The following TPR variants were observed in gnomAD, a reference collection of about 807,000 sequenced individuals.
TPR encodes nucleoprotein TPR.
In TPR, 51 loss-of-function variants were observed where a neutral mutation model predicts 316.1. The observed-to-expected ratio is 0.16, with a 90% confidence interval of 0.13 to 0.20. TPR has a LOEUF of 0.20. Ranked by LOEUF, TPR falls within the 10% of genes least tolerant of loss-of-function variation. TPR has a pLI of 1.00. For synonymous variants in TPR, 981 were observed against 914.7 expected, an observed-to-expected ratio of 1.07 and a Z score of -1.31; for missense variants, 2,272 against 2,754.8, an observed-to-expected ratio of 0.82 and a Z score of 3.92.
At chr1:186,372,927 A>T (rs766333629) in intron 2 of TPR, among the ~76,000 whole-genome samples, 2 of 152,216 alleles carry the variant, frequency 1.3e-5, no homozygotes, top group Non-Finnish European at 2.9e-5. Flanking sequence ...AATATAATGA[A>T]ATCAATAGGC....
chr1:186,312,381 T>C lies in TPR; in HGVS notation c.*1590A>G. On this transcript the variant is annotated 3_prime_UTR_variant, in exon 51 of 51. Coordinates refer to ENST00000367478, the MANE Select transcript of TPR (RefSeq NM_003292.3). Reference sequence around the variant, plus strand: ...GGCTTATCAAGACAAAGGTAACATTTTTATTGTGTTAAAAAAATCCTTAAA... The same window carrying C: ...GGCTTATCAAGACAAAGGTAACATTCTTATTGTGTTAAAAAAATCCTTAAA... 1 of 1,599,720 alleles carries C rather than the reference T, an allele frequency of 6.3e-7. No individual in the cohort carries two copies. The highest frequency in any genetic ancestry group is 8.5e-7 in the Non-Finnish European group (1 of 1,173,936).
chr1:186,350,485 G>GT, intron 20 of TPR, 97 bp from the exon 21 acceptor site: 1 of 931,008 alleles, frequency 1.1e-6, no homozygotes, highest in Non-Finnish European at 1.5e-6. Context: ...GGCCAAGAGA[G>GT]TAACAGAAAA....
chr1:186,366,066 A>G (rs1012150674), intron 4 of TPR, among the ~76,000 whole-genome samples: 1 of 152,250 alleles, frequency 6.6e-6, no homozygotes, highest in Non-Finnish European at 1.5e-5. Context: ...CTTCTCTTAC[A>G]TGGGCACTGA....
intron 21 of TPR, among the ~76,000 whole-genome samples, chr1:186,349,521 G>T (rs185462451): frequency 6.6e-6 from 1 of 151,758 alleles, no homozygotes; most frequent in South Asian, 2.1e-4. Flanking sequence ...TGAGCTGTGC[G>T]TTGTGGCGGC....
intron 18 of TPR, among the ~76,000 whole-genome samples, chr1:186,352,724 A>G (rs995350065): frequency 2.0e-5 from 3 of 152,222 alleles, no homozygotes; most frequent in African/African-American, 7.2e-5. Context: ...GGAGCAAGAT[A>G]AAAATAAAGA....
chr1:186,327,012 T>A (rs1488689580), intron 40 of TPR, among the ~76,000 whole-genome samples: 1 of 80,926 alleles, frequency 1.2e-5, no homozygotes. Context: ...ATTAAATATA[T>A]AATATATATA....
intron 38 of TPR, 70 bp from the exon 39 acceptor site, chr1:186,331,651 TTC>T: frequency 9.7e-7 from 1 of 1,027,420 alleles, no homozygotes; most frequent in Non-Finnish European, 1.4e-6. Flanking sequence ...TTTTTGTTAG[TTC>T]TCTCATTTGA....
At chr1:186,315,512 A>C (rs1415060564) in intron 49 of TPR, among the ~76,000 whole-genome samples, 4 of 151,658 alleles carry the variant, frequency 2.6e-5, no homozygotes, top group Non-Finnish European at 5.9e-5. Context: ...CACAATCCTA[A>C]CTCTACCATC....
chr1:186,351,860 C>T, intron 19 of TPR, 116 bp downstream of exon 19: 1 of 1,195,166 alleles, frequency 8.4e-7, no homozygotes, highest in Non-Finnish European at 1.2e-6. Context: ...ATTCAATGAT[C>T]ATAATGGATG....
chr1:186,358,516 T>G (rs1259164762), intron 13 of TPR, 27 bp downstream of exon 13: 2 of 1,584,718 alleles, frequency 1.3e-6, no homozygotes, highest in South Asian at 2.3e-5. Flanking sequence ...TTTTTAAAAG[T>G]AGGAAAACAA....
chr1:186,358,987 A>G (rs1447409726), intron 12 of TPR, among the ~76,000 whole-genome samples: 1 of 152,126 alleles, frequency 6.6e-6, no homozygotes, highest in Admixed American at 6.6e-5. Flanking sequence ...CACTTGATGA[A>G]GAAGAAAAAA....
chr1:186,363,225 T>C (rs1325129054), intron 5 of TPR, 117 bp downstream of exon 5: 6 of 1,062,602 alleles, frequency 5.6e-6, no homozygotes, highest in Non-Finnish European at 8.2e-6. Flanking sequence ...TTTTCTGACA[T>C]TAAAAACAAA....
At chr1:186,351,512 G>T in intron 19 of TPR, 42 bp from the exon 20 acceptor site, 1 of 1,490,606 alleles carries the variant, frequency 6.7e-7, no homozygotes, top group East Asian at 2.5e-5. Context: ...TAAGAAAAAG[G>T]CAATACAAAA....
intron 46 of TPR, 122 bp from the exon 47 acceptor site, chr1:186,318,950 T>A: frequency 1.1e-6 from 1 of 887,430 alleles, no homozygotes; most frequent in African/African-American, 1.7e-5. Context: ...GTCCACGATT[T>A]AATTATTCCA....
At chr1:186,370,944 A>G (rs1372026242) in intron 3 of TPR, 26 bp downstream of exon 3, 1 of 1,580,110 alleles carries the variant, frequency 6.3e-7, no homozygotes, top group Non-Finnish European at 8.7e-7. Flanking sequence ...GTCTACAATG[A>G]GCTTATTCTA....
intron 39 of TPR, among the ~76,000 whole-genome samples, chr1:186,329,815 A>T (rs1658105513): frequency 6.6e-6 from 1 of 152,166 alleles, no homozygotes; most frequent in Non-Finnish European, 1.5e-5. Flanking sequence ...TTAGCTTGAG[A>T]CAATTCCTTA....
In TPR at chr1:186,317,458, T is replaced by C. The variant is rs199553427; in HGVS notation, c.6940+24A>G. 2.5e-6 allele frequency: 4 copies of C among 1,574,316 alleles called. No individual in the cohort carries two copies. In the African/African-American group the frequency reaches 4.0e-5, roughly 16 times the overall value. ...ACAAGTTTGATGTATAAAAACTGTA[T>C]TGCAGTCAAGGGCAGGGACTCACCT... On this transcript the variant is annotated intron_variant, in intron 49 of 50. Coordinates refer to ENST00000367478, the MANE Select transcript of TPR (RefSeq NM_003292.3).
At chr1:186,367,709 A>T (rs1015451241) in intron 4 of TPR, among the ~76,000 whole-genome samples, 177 bp downstream of exon 4, 4 of 152,214 alleles carry the variant, frequency 2.6e-5, no homozygotes, top group Non-Finnish European at 5.9e-5. Flanking sequence ...ACACTTCTTT[A>T]AACACTTGAC....
Position 186,362,920 on chromosome 1 carries a change from T to C in TPR, c.613A>G (p.Thr205Ala). 1 of 1,611,766 alleles carries C rather than the reference T, an allele frequency of 6.2e-7. No individual in the cohort carries two copies. Residue 205 changes from threonine (T) to alanine (A), a missense_variant, in exon 6 of 51, where the codon ACT becomes GCT. Physicochemically the swap from Thr to Ala is moderately conservative, Grantham distance 58 (BLOSUM62 0). Around this residue, in one of 10 missense-constraint regions of TPR, gnomAD observed 549 missense variants for 598.6 expected, o/e 0.92. Transcript: ENST00000367478. The part of the protein sequence containing the change: ...TWLNTELKTK[T>A]DELLALGREK... ...CTTCCAAGAGCCAGAAGTTCATCAG[T>C]TTTGGTTTTCAACTCTGTATTCAGC...
Sources: gnomAD v4.1 joint callset for allele counts (sites outside exome capture counted in the v4.1 genomes callset) on GRCh38, gnomAD v4.1.1 for gene constraint, gnomAD v4.1.1 regional missense constraint, MANE v1.5 for transcripts, NCBI Gene and HGNC (gene_info 2026-07-23, HGNC 2026-07-21) for gene names.